Variants in CHLSN observed in about 807,000 individuals in gnomAD.
CHLSN encodes the protein protein cholesin.
chr7:1,071,871 A>C, the CHLSN span, among the ~76,000 whole-genome samples: 2 of 152,206 alleles, frequency 1.3e-5, no homozygotes, highest in Non-Finnish European at 2.9e-5. Context: ...AGGACACCTT[A>C]GAAGGAGGGC....
At chr7:1,045,783 T>G in the CHLSN span, 1 of 152,274 alleles carries the variant, frequency 6.6e-6, no homozygotes, top group African/African-American at 2.4e-5. Context: ...ACATAGTTTA[T>G]ATGTATTGAA....
At chr7:1,127,279 C>T in the CHLSN span, 1 of 1,599,976 alleles carries the variant, frequency 6.3e-7, no homozygotes, top group African/African-American at 1.4e-5. Flanking sequence ...TCCTTCGCCA[C>T]TTGGTGCAGC....
At chr7:1,033,356 A>G in the CHLSN span, among the ~76,000 whole-genome samples, 2 of 152,102 alleles carry the variant, frequency 1.3e-5, no homozygotes, top group Non-Finnish European at 2.9e-5. Flanking sequence ...TCGGGAGTTC[A>G]AGACCAGCCT....
chr7:1,105,735 C>T, the CHLSN span, among the ~76,000 whole-genome samples: 1 of 152,210 alleles, frequency 6.6e-6, no homozygotes. Context: ...CTGCCTCAGC[C>T]TCCTGAGTAG....
the CHLSN span, chr7:984,448 C>G: frequency 2.6e-6 from 4 of 1,549,706 alleles, no homozygotes; most frequent in Non-Finnish European, 3.5e-6. Context: ...CACCGTGCAC[C>G]TGGGGCGCCA....
At chr7:1,040,951 C>G in the CHLSN span, among the ~76,000 whole-genome samples, 1 of 152,244 alleles carries the variant, frequency 6.6e-6, no homozygotes, top group Non-Finnish European at 1.5e-5. Context: ...TGCTGCATGC[C>G]GGGCCTCCAG....
chr7:1,057,087 A>G, the CHLSN span, among the ~76,000 whole-genome samples: 1 of 151,996 alleles, frequency 6.6e-6, no homozygotes, highest in Non-Finnish European at 1.5e-5. Flanking sequence ...GACCGTCCAC[A>G]TTGCCTGTCC....
At chr7:1,135,149 G>A in the CHLSN span, among the ~76,000 whole-genome samples, 112 of 152,110 alleles carry the variant, frequency 7.4e-4, no homozygotes, top group African/African-American at 2.4e-3. Flanking sequence ...CTTAATCGCC[G>A]TGTCCTTGAA....
chr7:1,055,235 C>T, the CHLSN span: 10 of 470,942 alleles, frequency 2.1e-5, no homozygotes, highest in Admixed American at 7.0e-5. Context: ...GGGGCGGTGG[C>T]GCCTGCCAAG....
the CHLSN span, chr7:1,009,800 C>T: frequency 5.8e-6 from 4 of 684,886 alleles, no homozygotes; most frequent in South Asian, 6.7e-5. Flanking sequence ...ACAGAAAGGG[C>T]AGCGGCGGCA....
At chr7:1,081,508 G>C in the CHLSN span, among the ~76,000 whole-genome samples, 4 of 152,372 alleles carry the variant, frequency 2.6e-5, no homozygotes, top group East Asian at 7.7e-4. Context: ...GCGGCAAGGG[G>C]GCAGCCTGGA....
the CHLSN span, chr7:997,529 G>C: frequency 8.8e-7 from 1 of 1,131,482 alleles, no homozygotes; most frequent in Non-Finnish European, 1.2e-6. Context: ...CCGCTGCCCT[G>C]CTGGTGAACC....
the CHLSN span, chr7:985,334 G>A: frequency 2.6e-6 from 4 of 1,548,216 alleles, no homozygotes; most frequent in Non-Finnish European, 3.5e-6. Flanking sequence ...GTGAGGAGCT[G>A]CCTCCCATCC....
At chr7:1,055,391 C>A in the CHLSN span, 2 of 470,314 alleles carry the variant, frequency 4.3e-6, no homozygotes, top group Non-Finnish European at 8.8e-6. Context: ...CAGGTCCTCA[C>A]CAGAGCTCTG....
At chr7:1,118,139 G>C in the CHLSN span, among the ~76,000 whole-genome samples, 1 of 152,178 alleles carries the variant, frequency 6.6e-6, no homozygotes, top group African/African-American at 2.4e-5. Context: ...AAAACACCAG[G>C]CTTCTGGGTT....
At chr7:1,005,277 G>T in the CHLSN span, among the ~76,000 whole-genome samples, 3 of 152,336 alleles carry the variant, frequency 2.0e-5, no homozygotes, top group African/African-American at 7.2e-5. Flanking sequence ...GCGACAGAGT[G>T]AGACTCCATC....
chr7:1,058,000 C>T, the CHLSN span: 13 of 770,140 alleles, frequency 1.7e-5, no homozygotes, highest in South Asian at 9.4e-5. Context: ...AGCTTCTCCT[C>T]GCTGCTCTTC....
the CHLSN span, among the ~76,000 whole-genome samples, chr7:1,084,156 A>C: frequency 2.2e-3 from 341 of 152,338 alleles, 3 homozygotes; most frequent in African/African-American, 7.8e-3. Context: ...CGCACACCCC[A>C]CACACAGCTT....
chr7:1,021,861 G>A, the CHLSN span, among the ~76,000 whole-genome samples: 1 of 152,372 alleles, frequency 6.6e-6, no homozygotes, highest in Admixed American at 6.5e-5. Context: ...TCCGCGGGGC[G>A]AGGCTGGGTT....
Sources: gnomAD v4.1 joint callset for allele counts (sites outside exome capture counted in the v4.1 genomes callset) on GRCh38, gnomAD v4.1.1 for gene constraint, MANE v1.5 for transcripts, NCBI Gene and HGNC (gene_info 2026-07-23, HGNC 2026-07-21) for gene names.